ME3: variants seen among roughly 807,000 people sequenced by gnomAD.
The protein encoded by ME3 is malic enzyme 3.
In ME3, 48 loss-of-function variants were observed where a neutral mutation model predicts 68.9. That is an observed-to-expected ratio of 0.70 (90% confidence interval 0.55 to 0.89). ME3 has a LOEUF of 0.89. Among genes scored for constraint, ME3 ranks in the 40% least tolerant of loss-of-function variants. The probability of loss-of-function intolerance (pLI) is 0.00; values close to 1 mark genes in which losing one functional copy is unlikely to be tolerated. For synonymous variants in ME3, 320 were observed against 318.8 expected, an observed-to-expected ratio of 1.00 and a Z score of -0.04; for missense variants, 675 against 797.4, an observed-to-expected ratio of 0.85 and a Z score of 1.85.
chr11:86,556,806 G>A lies in ME3; in HGVS notation c.318-104C>T, dbSNP rs575169564. 1.9e-4 allele frequency: 255 copies of A among 1,307,840 alleles called. 1 individual carries two copies. The highest frequency in any genetic ancestry group is 8.3e-4 in the Middle Eastern group (4 of 4,846). The allele number at this position is 1,307,840 out of a possible 1,614,324, so 81.0% of individuals were successfully genotyped here. Reference sequence around the variant, plus strand: ...CAAGGCTCCTGTTCCTGCTCAGCCCGGAACATTCATGGGCAAGCCATCTGC... The same window carrying A: ...CAAGGCTCCTGTTCCTGCTCAGCCCAGAACATTCATGGGCAAGCCATCTGC... On this transcript the variant is annotated intron_variant, in intron 3 of 14. Coordinates refer to ENST00000543262, the Ensembl canonical transcript of ME3.
intron 2 of ME3, among the ~76,000 whole-genome samples, chr11:86,600,249 T>G (rs926877596): frequency 4.6e-5 from 7 of 151,952 alleles, no homozygotes; most frequent in Non-Finnish European, 8.8e-5. Flanking sequence ...AATAAAAGGA[T>G]GGAGGAAGAT....
intron 2 of ME3, among the ~76,000 whole-genome samples, chr11:86,661,710 G>A (rs1463216203): frequency 3.3e-5 from 5 of 152,126 alleles, no homozygotes; most frequent in Non-Finnish European, 7.3e-5. Flanking sequence ...CCTCTCTTCT[G>A]TGCTTCCATA....
chr11:86,611,031 C>T (rs909785712), intron 2 of ME3, among the ~76,000 whole-genome samples: 3 of 152,126 alleles, frequency 2.0e-5, no homozygotes, highest in African/African-American at 7.2e-5. Flanking sequence ...ATTTGGGTCT[C>T]AACCTCATAT....
chr11:86,569,987 T>C lies in ME3; in HGVS notation c.184-10164A>G, dbSNP rs147965697. On this transcript the variant is annotated intron_variant, in intron 2 of 14. Coordinates refer to ENST00000543262, the Ensembl canonical transcript of ME3. The stretch of plus-strand genomic sequence containing the variant: ...TTATTTTTACCTACAGAGCCAGGTA[T>C]CTTAGACTTCAGCTACTGTTGAGCA... 3.9e-4 allele frequency among the ~76,000 whole-genome samples: 59 copies of C among 152,326 alleles called. No homozygotes were observed. In the East Asian group the frequency reaches 0.011, roughly 28 times the overall value.
chr11:86,571,500 C>A (rs1337823308), intron 2 of ME3, among the ~76,000 whole-genome samples: 4 of 152,238 alleles, frequency 2.6e-5, no homozygotes, highest in African/African-American at 9.6e-5. Context: ...TAGCCACTTA[C>A]CACCACACTG....
chr11:86,478,649 A>G (rs1951220175), intron 7 of ME3, among the ~76,000 whole-genome samples: 1 of 152,202 alleles, frequency 6.6e-6, no homozygotes, highest in Non-Finnish European at 1.5e-5. Flanking sequence ...TATTTTGTGG[A>G]TTGGTAATTT....
chr11:86,538,118 C>T (rs991498840), intron 4 of ME3, among the ~76,000 whole-genome samples: 7 of 152,184 alleles, frequency 4.6e-5, no homozygotes, highest in Non-Finnish European at 7.3e-5. Flanking sequence ...TGATTTCATT[C>T]ACTTTAGGAA....
At chr11:86,581,781 A>T (rs1958454759) in intron 2 of ME3, among the ~76,000 whole-genome samples, 1 of 152,152 alleles carries the variant, frequency 6.6e-6, no homozygotes. Context: ...AAAACTGGAG[A>T]GTCACCCTGG....
At chr11:86,660,627 C>G (rs141361087) in intron 2 of ME3, among the ~76,000 whole-genome samples, 315 of 152,266 alleles carry the variant, frequency 2.1e-3, no homozygotes, top group Non-Finnish European at 3.8e-3. Context: ...AATACCTGGT[C>G]ACAGGCTATG....
At chr11:86,564,983 C>T (rs897928628) in intron 2 of ME3, among the ~76,000 whole-genome samples, 1 of 152,076 alleles carries the variant, frequency 6.6e-6, no homozygotes, top group Non-Finnish European at 1.5e-5. Flanking sequence ...ACAAAGGACT[C>T]CTACAGCACA....
intron 2 of ME3, among the ~76,000 whole-genome samples, chr11:86,618,719 C>CTTT (rs1173272488): frequency 7.3e-6 from 1 of 137,380 alleles, no homozygotes. Context: ...GAGATCTGGT[C>CTTT]TTTTTTTTTT....
intron 2 of ME3, among the ~76,000 whole-genome samples, chr11:86,614,375 G>C (rs2032356): frequency 0.13 from 19,984 of 152,098 alleles, 1,775 homozygotes; most frequent in East Asian, 0.4. Context: ...CAGTTAAAAC[G>C]TCCACTCTTG....
chr11:86,439,116 A>G (rs375325598), downstream of ME3, among the ~76,000 whole-genome samples: 268 of 152,330 alleles, frequency 1.8e-3, no homozygotes, highest in African/African-American at 5.7e-3. Flanking sequence ...GTGGAGGGCA[A>G]TCTACTTTAC....
At chr11:86,563,787 T>A (rs183926296) in intron 2 of ME3, among the ~76,000 whole-genome samples, 1 of 152,208 alleles carries the variant, frequency 6.6e-6, no homozygotes, top group African/African-American at 2.4e-5. Flanking sequence ...CTGAGTTTTC[T>A]CTTCTGTTCC....
At chr11:86,442,789 T>A (rs557163018) in intron 14 of ME3, 32 bp downstream of exon 14, 1 of 1,546,540 alleles carries the variant, frequency 6.5e-7, no homozygotes, top group Admixed American at 1.7e-5. Flanking sequence ...TGAGCCTCAC[T>A]ACCCATATTA....
intron 2 of ME3, among the ~76,000 whole-genome samples, chr11:86,604,111 T>TAAAAAAA (rs201906419): frequency 6.8e-6 from 1 of 146,434 alleles, no homozygotes; most frequent in Non-Finnish European, 1.5e-5. Context: ...AAAAAAAAGT[T>TAAAAAAA]AAAAAAAAAA....
rs1448272937 is a variant in ME3 at position 86,654,822 on chromosome 11, T to C, written c.183+16940A>G. Among the ~76,000 whole-genome samples, 9 of 152,328 alleles carry C rather than the reference T, an allele frequency of 5.9e-5. No homozygotes were observed. In the East Asian group the frequency reaches 1.5e-3, roughly 26 times the overall value. On this transcript the variant is annotated intron_variant, in intron 2 of 14. Transcript: ENST00000543262. The stretch of plus-strand genomic sequence containing the variant: ...AAGTCAAATTGTCCCTGTTTGCAGA[T>C]GACATGATTGTATATCTAGAAAACC...
intron 4 of ME3, among the ~76,000 whole-genome samples, chr11:86,545,059 C>G (rs1956282393): frequency 6.6e-6 from 1 of 152,146 alleles, no homozygotes; most frequent in African/African-American, 2.4e-5. Flanking sequence ...GTAAACAGAA[C>G]CAATGACAAA....
intron 9 of ME3, 147 bp downstream of exon 9, chr11:86,450,154 G>A (rs1007373483): frequency 6.2e-6 from 6 of 974,796 alleles, no homozygotes; most frequent in Admixed American, 2.2e-5. Context: ...ACACCCAATT[G>A]TCAGAGCCTA....
Sources: gnomAD v4.1 joint callset for allele counts (sites outside exome capture counted in the v4.1 genomes callset) on GRCh38, gnomAD v4.1.1 for gene constraint, MANE v1.5 for transcripts, NCBI Gene and HGNC (gene_info 2026-07-23, HGNC 2026-07-21) for gene names.